G3BP1: variants seen among roughly 807,000 people sequenced by gnomAD.
G3BP1 encodes the protein G3BP stress granule assembly factor 1.
Under a neutral mutation model 58.6 loss-of-function variants are expected in G3BP1, and 35 were observed. The ratio of observed to expected loss-of-function variants is 0.60; its 90% CI spans 0.46 to 0.79. The LOEUF (loss-of-function observed/expected upper bound fraction) is 0.79, where lower values mean the gene tolerates loss of function less well. G3BP1 is among the 30% of genes least tolerant of loss of function. The pLI, the probability that G3BP1 is intolerant of heterozygous loss-of-function variation, is 0.00. For synonymous variants in G3BP1, 191 were observed against 195.4 expected (o/e 0.98, Z 0.19); for missense variants, 523 against 580.8 (o/e 0.90, Z 1.02).
At chr5:151,793,488 T>G (rs1294579282) in intron 4 of G3BP1, among the ~76,000 whole-genome samples, 2 of 152,144 alleles carry the variant, frequency 1.3e-5, no homozygotes, top group Non-Finnish European at 2.9e-5. Context: ...TTTTGGATAT[T>G]TATCTTGTGG....
intron 3 of G3BP1, 117 bp downstream of exon 3, chr5:151,790,521 A>G (rs1762632769): frequency 3.8e-6 from 2 of 530,614 alleles, no homozygotes; most frequent in Non-Finnish European, 6.7e-6. Flanking sequence ...ACTTTTTAGT[A>G]AAAGTTGATG....
chr5:151,788,099 A>G (rs954105330), intron 2 of G3BP1, among the ~76,000 whole-genome samples: 5 of 151,974 alleles, frequency 3.3e-5, no homozygotes, highest in African/African-American at 1.2e-4. Context: ...AATTTTTTGT[A>G]GAGACAGTTT....
intron 2 of G3BP1, among the ~76,000 whole-genome samples, chr5:151,788,574 G>GTGTA (rs1762593561): frequency 7.5e-6 from 1 of 133,858 alleles, no homozygotes; most frequent in South Asian, 2.3e-4. Flanking sequence ...AAGTTTATAT[G>GTGTA]TGTGTGTGTG....
chr5:151,795,712 G>A, intron 6 of G3BP1, 137 bp downstream of exon 6: 1 of 522,178 alleles, frequency 1.9e-6, no homozygotes, highest in Non-Finnish European at 3.5e-6. Context: ...TTTTGTTTCT[G>A]GTAATTTTGA....
intron 1 of G3BP1, among the ~76,000 whole-genome samples, chr5:151,782,605 A>G (rs538980669): frequency 6.6e-6 from 1 of 152,332 alleles, no homozygotes; most frequent in Non-Finnish European, 1.5e-5. Flanking sequence ...AGTTGTAGAA[A>G]TTTTAAAAAC....
At chr5:151,772,845 C>T (rs11953528) in intron 1 of G3BP1, among the ~76,000 whole-genome samples, 23,507 of 152,254 alleles carry the variant, frequency 0.15, 1,885 homozygotes, top group Middle Eastern at 0.19. Context: ...CTCGGGGCAG[C>T]ATCAGCCTCA....
At chr5:151,781,064 C>G (rs1428703624) in intron 1 of G3BP1, among the ~76,000 whole-genome samples, 1 of 151,590 alleles carries the variant, frequency 6.6e-6, no homozygotes, top group East Asian at 1.9e-4. Flanking sequence ...TGAAAAAGCT[C>G]ACAAACTGAA....
At chr5:151,784,143 C>T (rs112970335) in intron 1 of G3BP1, among the ~76,000 whole-genome samples, 58 of 152,086 alleles carry the variant, frequency 3.8e-4, no homozygotes, top group Middle Eastern at 6.8e-3. Flanking sequence ...GCACCCAGGC[C>T]GAAGTGCAGT....
In G3BP1 at chr5:151,804,301, G is replaced by T. The variant is rs1375026386; in HGVS notation, c.*210G>T. On this transcript the variant is annotated 3_prime_UTR_variant, in exon 12 of 12. Coordinates refer to ENST00000356245, the MANE Select transcript of G3BP1 (RefSeq NM_005754.3). The stretch of plus-strand genomic sequence containing the variant: ...TTAGTCTTTCACTTCCAATTTTGTG[G>T]AATGATATTTTAGGAATAACGGACT... 3 of 391,250 alleles carry T rather than the reference G, an allele frequency of 7.7e-6. No individual in the cohort carries two copies. Among genetic ancestry groups the T allele is most frequent in the Non-Finnish European group, 1.4e-5 (3 of 222,136 alleles). The allele number at this position is 391,250 out of a possible 1,614,324, so 24.2% of individuals were successfully genotyped here. A position where few individuals can be genotyped will look rare whatever the true frequency, so the allele number is the denominator to read the frequency against.
At position 151,810,480 on chromosome 5, in the gene G3BP1, CTTG is replaced by C. The variant is rs1278548394; in HGVS notation, c.*6392_*6394del. The C allele has an allele frequency of 4.6e-5, 7 of 152,234 alleles. No homozygotes were observed. Among genetic ancestry groups the C allele is most frequent in the Admixed American group, 6.5e-5 (1 of 15,288 alleles). 9.4% of individuals were successfully genotyped at this position (152,234 alleles called of 1,614,324 possible). A position where few individuals can be genotyped will look rare whatever the true frequency, so the allele number is the denominator to read the frequency against. On this transcript the variant is annotated 3_prime_UTR_variant, in exon 12 of 12. Transcript: ENST00000356245. ...CTCATCTACTTTCCACATTTTCCCT[CTTG>C]TTTGAGGTCCTGTTCCAACCTTCAT...
intron 11 of G3BP1, among the ~76,000 whole-genome samples, chr5:151,802,294 A>C (rs57133663): frequency 0.013 from 1,905 of 152,364 alleles, 32 homozygotes; most frequent in African/African-American, 0.042. Flanking sequence ...AGAAATGTCC[A>C]GTAGGCTTTG....
At position 151,786,604 on chromosome 5, in the gene G3BP1, T is replaced by A. The variant is rs780398893; in HGVS notation, c.-17T>A. The A allele has an allele frequency of 1.2e-5, 18 of 1,557,278 alleles. No homozygotes were observed. The highest frequency in any genetic ancestry group is 2.7e-5 in the African/African-American group (2 of 73,836). The stretch of plus-strand genomic sequence containing the variant: ...CATATTTGACTCTTTTCCCCCCAGG[T>A]TGAATTGACCAAAGCAATGGTGATG... On this transcript the variant is annotated 5_prime_UTR_variant, in exon 2 of 12. The change creates a new upstream start codon in the 5' untranslated region. Coordinates refer to ENST00000356245, the MANE Select transcript of G3BP1 (RefSeq NM_005754.3).
Position 151,811,932 on chromosome 5 carries a change from C to T in G3BP1, c.*7841C>T, listed in dbSNP as rs1381523457. 2 of 152,088 alleles carry T rather than the reference C, an allele frequency of 1.3e-5. No individual in the cohort carries two copies. Among genetic ancestry groups the T allele is most frequent in the Non-Finnish European group, 2.9e-5 (2 of 68,006 alleles). 9.4% of individuals were successfully genotyped at this position (152,088 alleles called of 1,614,324 possible). A position where few individuals can be genotyped will look rare whatever the true frequency, so the allele number is the denominator to read the frequency against. ...GGATGAGGAACTTTGTAATTCTGAC[C>T]TGATTTTCCAGGCCAATTAATTAAA... On this transcript the variant is annotated 3_prime_UTR_variant, in exon 12 of 12. Transcript: ENST00000356245.
At chr5:151,780,865 A>G (rs1762458995) in intron 1 of G3BP1, among the ~76,000 whole-genome samples, 1 of 152,174 alleles carries the variant, frequency 6.6e-6, no homozygotes, top group Non-Finnish European at 1.5e-5. Flanking sequence ...ACTTCAGCAC[A>G]ATTATTGATG....
intron 11 of G3BP1, among the ~76,000 whole-genome samples, chr5:151,803,498 CT>C (rs988005554): frequency 2.7e-5 from 4 of 148,912 alleles, no homozygotes; most frequent in African/African-American, 7.4e-5. Context: ...TCTGCTGGTT[CT>C]TTTTTTTTTC....
chr5:151,800,403 G>T, intron 10 of G3BP1, 57 bp downstream of exon 10: 1 of 1,304,676 alleles, frequency 7.7e-7, no homozygotes, highest in Non-Finnish European at 1.1e-6. Flanking sequence ...GCACTGTCCA[G>T]TAGCAATAGA....
At position 151,811,383 on chromosome 5, in the gene G3BP1, C is replaced by T. The variant is rs1426375426; in HGVS notation, c.*7292C>T. 2 of 152,154 alleles carry T rather than the reference C, an allele frequency of 1.3e-5. No homozygotes were observed. The highest frequency in any genetic ancestry group is 2.9e-5 in the Non-Finnish European group (2 of 68,026). 9.4% of individuals were successfully genotyped at this position (152,154 alleles called of 1,614,324 possible). A position where few individuals can be genotyped will look rare whatever the true frequency, so the allele number is the denominator to read the frequency against. On this transcript the variant is annotated 3_prime_UTR_variant, in exon 12 of 12. Coordinates refer to ENST00000356245, the MANE Select transcript of G3BP1 (RefSeq NM_005754.3). ...GAATTCTCATTTCTCGACATAAAGC[C>T]TTGTCTAAAGTGAGATGTTTTCCAG... is the stretch of plus-strand genomic sequence containing the variant.
In G3BP1 at chr5:151,808,331, T is replaced by C. The variant is rs1355397191; in HGVS notation, c.*4240T>C. The stretch of plus-strand genomic sequence containing the variant: ...ATATCACCTCAGTACAACACTGAAA[T>C]TAAACTGCCTTGTTCATGCTTTCAT... On this transcript the variant is annotated 3_prime_UTR_variant, in exon 12 of 12. Transcript: ENST00000356245. 6.6e-6 allele frequency: 1 copy of C among 152,224 alleles called. No individual in the cohort carries two copies. The highest frequency in any genetic ancestry group is 6.5e-5 in the Admixed American group (1 of 15,286). 9.4% of individuals were successfully genotyped at this position (152,224 alleles called of 1,614,324 possible).
At chr5:151,791,086 G>A in intron 4 of G3BP1, 24 bp downstream of exon 4, 1 of 1,570,674 alleles carries the variant, frequency 6.4e-7, no homozygotes, top group Non-Finnish European at 8.8e-7. Context: ...TGATTATTTT[G>A]TAGTGATCCA....
Sources: gnomAD v4.1 joint callset for allele counts (sites outside exome capture counted in the v4.1 genomes callset) on GRCh38, gnomAD v4.1.1 for gene constraint, MANE v1.5 for transcripts, NCBI Gene and HGNC (gene_info 2026-07-23, HGNC 2026-07-21) for gene names.